The following PLD5 variants were observed in gnomAD, a reference collection of about 807,000 sequenced individuals.
PLD5 encodes the protein inactive phospholipase D5.
In PLD5, 36 loss-of-function variants were observed where a neutral mutation model predicts 61.1. The observed-to-expected ratio is 0.59, with a 90% confidence interval of 0.45 to 0.78. The LOEUF (loss-of-function observed/expected upper bound fraction) is 0.78. PLD5 is among the 30% of genes least tolerant of loss of function. The pLI is 0.00. For missense variants in PLD5, 515 were observed against 644.4 expected, an observed-to-expected ratio of 0.80 and a Z score of 2.17; for synonymous variants, 243 against 242.8, an observed-to-expected ratio of 1.00 and a Z score of -0.01.
chr1:242,190,138 C>CTTTTTTTTTTTTTTT (rs902616187), intron 5 of PLD5, among the ~76,000 whole-genome samples: 1 of 74,382 alleles, frequency 1.3e-5, no homozygotes, highest in Non-Finnish European at 2.3e-5. Flanking sequence ...GACAGGACTC[C>CTTTTTTTTTTTTTTT]TTTTTTTTTT....
intron 4 of PLD5, among the ~76,000 whole-genome samples, chr1:242,226,311 A>G (rs1361471310): frequency 6.6e-6 from 1 of 152,170 alleles, no homozygotes. Flanking sequence ...GTGACGCGTC[A>G]GGACCATGGC....
intron 4 of PLD5, among the ~76,000 whole-genome samples, chr1:242,230,303 A>G (rs140070281): frequency 4.4e-4 from 67 of 152,372 alleles, no homozygotes; most frequent in African/African-American, 1.5e-3. Flanking sequence ...TAATAGCATT[A>G]TAAAATTAAT....
chr1:242,092,335 T>C (rs1264639512), intron 9 of PLD5, among the ~76,000 whole-genome samples: 6 of 152,034 alleles, frequency 3.9e-5, no homozygotes, highest in African/African-American at 1.5e-4. Flanking sequence ...TGGTGGGACT[T>C]ACTTCCACTT....
chr1:242,328,318 CAT>C (rs763323457), intron 2 of PLD5, among the ~76,000 whole-genome samples: 4 of 140,236 alleles, frequency 2.9e-5, no homozygotes, highest in African/African-American at 1.3e-4. Flanking sequence ...ATATGTTCTA[CAT>C]ATATGTGTTT....
rs372146527 is a variant in PLD5 at position 242,204,359 on chromosome 1, T to C, written c.735+15629A>G. On this transcript the variant is annotated intron_variant, in intron 5 of 9. Coordinates refer to ENST00000536534, the MANE Select transcript of PLD5 (RefSeq NM_001372062.1). ...AACCTTGAGCAGCAAGGTTTAGATG[T>C]AGAATAAAGCTCTATAGCATTCAAG... is the stretch of plus-strand genomic sequence containing the variant. Among the ~76,000 whole-genome samples, 146 of 152,340 alleles carry C rather than the reference T, an allele frequency of 9.6e-4. 1 individual carries two copies. The highest frequency in any genetic ancestry group is 1.5e-3 in the Non-Finnish European group (105 of 68,030).
intron 3 of PLD5, among the ~76,000 whole-genome samples, chr1:242,286,974 T>C (rs977410990): frequency 3.3e-5 from 5 of 152,170 alleles, no homozygotes; most frequent in Non-Finnish European, 5.9e-5. Context: ...TTTCCAAAGA[T>C]GGCCACCAAT....
chr1:242,245,492 C>G (rs941261186), intron 4 of PLD5, among the ~76,000 whole-genome samples: 1 of 152,198 alleles, frequency 6.6e-6, no homozygotes, highest in African/African-American at 2.4e-5. Flanking sequence ...GATGCAGCGG[C>G]GTAGGCTCCT....
intron 3 of PLD5, among the ~76,000 whole-genome samples, chr1:242,269,873 G>A (rs185699334): frequency 5.3e-5 from 8 of 152,166 alleles, no homozygotes; most frequent in South Asian, 4.2e-4. Context: ...CTGCACTGCC[G>A]GTTCTCAATT....
intron 3 of PLD5, among the ~76,000 whole-genome samples, chr1:242,273,008 G>A (rs1674195479): frequency 6.6e-6 from 1 of 152,008 alleles, no homozygotes; most frequent in Non-Finnish European, 1.5e-5. Flanking sequence ...TGCTGCACCT[G>A]TCAACCCATC....
At chr1:242,446,431 T>A (rs2102916596) in intron 1 of PLD5, among the ~76,000 whole-genome samples, 1 of 151,428 alleles carries the variant, frequency 6.6e-6, no homozygotes, top group Non-Finnish European at 1.5e-5. Context: ...ATCAGCTGGG[T>A]GTGGTGGTGC....
intron 1 of PLD5, among the ~76,000 whole-genome samples, chr1:242,360,141 T>A (rs1274011386): frequency 2.0e-5 from 3 of 152,164 alleles, no homozygotes; most frequent in African/African-American, 7.2e-5. Flanking sequence ...GGGCCCCAAG[T>A]ATGTACTTGT....
chr1:242,243,870 C>T (rs1450348894), intron 4 of PLD5, among the ~76,000 whole-genome samples: 1 of 152,158 alleles, frequency 6.6e-6, no homozygotes, highest in Non-Finnish European at 1.5e-5. Flanking sequence ...AATATCAGGT[C>T]TTTTCACATT....
At chr1:242,480,948 T>C (rs563184404) in intron 1 of PLD5, among the ~76,000 whole-genome samples, 116 of 151,996 alleles carry the variant, frequency 7.6e-4, no homozygotes, top group African/African-American at 1.9e-3. Flanking sequence ...CTGGTAGGGT[T>C]TTTTTAATTT....
At chr1:242,253,058 G>A (rs555061721) in intron 4 of PLD5, among the ~76,000 whole-genome samples, 14 of 149,608 alleles carry the variant, frequency 9.4e-5, no homozygotes, top group African/African-American at 1.7e-4. Flanking sequence ...CTCATGATCC[G>A]CTTGCCTTGG....
chr1:242,368,204 AAAC>A (rs1661445684), intron 1 of PLD5, among the ~76,000 whole-genome samples: 1 of 152,172 alleles, frequency 6.6e-6, no homozygotes, highest in Non-Finnish European at 1.5e-5. Context: ...GCTCCACTGT[AAAC>A]AACCAAATAT....
chr1:242,451,190 C>T (rs1283436515), intron 1 of PLD5, among the ~76,000 whole-genome samples: 4 of 152,212 alleles, frequency 2.6e-5, no homozygotes, highest in South Asian at 2.1e-4. Flanking sequence ...AATCCCCTAC[C>T]GCAGCATCAA....
chr1:242,398,889 A>G (rs907543258), intron 1 of PLD5, among the ~76,000 whole-genome samples: 3 of 152,206 alleles, frequency 2.0e-5, no homozygotes, highest in Non-Finnish European at 4.4e-5. Flanking sequence ...CTATACAGTC[A>G]TAGGATATAA....
At chr1:242,180,495 A>G (rs2148899956) in intron 5 of PLD5, among the ~76,000 whole-genome samples, 1 of 152,308 alleles carries the variant, frequency 6.6e-6, no homozygotes, top group Non-Finnish European at 1.5e-5. Flanking sequence ...AGTTCCTTAA[A>G]AAATTGAATT....
chr1:242,128,336 A>AT (rs1262926110), intron 5 of PLD5, among the ~76,000 whole-genome samples: 5 of 151,300 alleles, frequency 3.3e-5, no homozygotes. Context: ...AAACCATGCT[A>AT]TTTCCCTATC....
Sources: gnomAD v4.1 joint callset for allele counts (sites outside exome capture counted in the v4.1 genomes callset) on GRCh38, gnomAD v4.1.1 for gene constraint, MANE v1.5 for transcripts, NCBI Gene and HGNC (gene_info 2026-07-23, HGNC 2026-07-21) for gene names.